Variants in AKR1C8 observed in about 807,000 individuals in gnomAD.
AKR1C8 encodes aldo-keto reductase family 1 member C8.
the AKR1C8 span, among the ~76,000 whole-genome samples, chr10:5,178,095 C>T: frequency 2.0e-5 from 3 of 152,000 alleles, no homozygotes; most frequent in Admixed American, 6.6e-5. Context: ...TAGATCTTTC[C>T]TTCTTTTTCT....
chr10:5,123,609 AC>A, the AKR1C8 span: 2 of 1,107,632 alleles, frequency 1.8e-6, no homozygotes, highest in African/African-American at 3.1e-5. Context: ...TTCTCACCTT[AC>A]CCTAACTCAC....
the AKR1C8 span, among the ~76,000 whole-genome samples, chr10:5,144,888 C>T: frequency 6.6e-6 from 1 of 152,032 alleles, no homozygotes; most frequent in South Asian, 2.1e-4. Flanking sequence ...ATTGCCCTGG[C>T]CAGAACTTCC....
At chr10:5,183,504 C>T in the AKR1C8 span, among the ~76,000 whole-genome samples, 1 of 152,148 alleles carries the variant, frequency 6.6e-6, no homozygotes, top group African/African-American at 2.4e-5. Context: ...AACTATCAAA[C>T]TCTAAATGGT....
At chr10:5,163,034 G>A in the AKR1C8 span, 1 of 524,900 alleles carries the variant, frequency 1.9e-6, no homozygotes. Context: ...TAAGACAGGA[G>A]TAAAGAGTTG....
chr10:5,141,831 T>A, the AKR1C8 span, among the ~76,000 whole-genome samples: 2 of 152,158 alleles, frequency 1.3e-5, no homozygotes, highest in Non-Finnish European at 2.9e-5. Context: ...CTTTTTCTAT[T>A]TATAGAGCAT....
the AKR1C8 span, among the ~76,000 whole-genome samples, chr10:5,148,103 T>C: frequency 6.6e-6 from 1 of 152,076 alleles, no homozygotes; most frequent in Non-Finnish European, 1.5e-5. Context: ...TTCACAAGAC[T>C]CAAGGGACTA....
At chr10:5,145,135 G>A in the AKR1C8 span, among the ~76,000 whole-genome samples, 1 of 151,926 alleles carries the variant, frequency 6.6e-6, no homozygotes, top group Non-Finnish European at 1.5e-5. Flanking sequence ...TAATCATGTG[G>A]TTTTTGTCTT....
the AKR1C8 span, among the ~76,000 whole-genome samples, chr10:5,119,439 C>A: frequency 3.3e-5 from 5 of 152,180 alleles, no homozygotes; most frequent in East Asian, 9.6e-4. Flanking sequence ...ATGCACAAAA[C>A]AAGCATAAAT....
chr10:5,178,603 G>T, the AKR1C8 span, among the ~76,000 whole-genome samples: 183 of 152,252 alleles, frequency 1.2e-3, 1 homozygote, highest in African/African-American at 4.3e-3. Context: ...CGTTATTATT[G>T]TGTGGGAATC....
chr10:5,132,821 G>T, the AKR1C8 span: 1 of 776,778 alleles, frequency 1.3e-6, no homozygotes, highest in Non-Finnish European at 2.0e-6. Flanking sequence ...TCAACAGGTA[G>T]TTCAGGCACA....
the AKR1C8 span, among the ~76,000 whole-genome samples, chr10:5,180,029 G>A: frequency 6.4e-4 from 98 of 152,166 alleles, no homozygotes; most frequent in Non-Finnish European, 1.2e-3. Context: ...AACTGCGTTC[G>A]TTTGGAGGAG....
At chr10:5,175,893 G>A in the AKR1C8 span, among the ~76,000 whole-genome samples, 3 of 152,254 alleles carry the variant, frequency 2.0e-5, no homozygotes, top group East Asian at 1.9e-4. Flanking sequence ...TGTCAGATGA[G>A]TAGGTTGCGA....
the AKR1C8 span, among the ~76,000 whole-genome samples, chr10:5,172,549 A>G: frequency 6.6e-6 from 1 of 152,078 alleles, no homozygotes; most frequent in African/African-American, 2.4e-5. Flanking sequence ...AAAATTACAC[A>G]AGCAAAGATT....
the AKR1C8 span, chr10:5,157,790 C>T: frequency 4.3e-6 from 2 of 470,558 alleles, no homozygotes; most frequent in African/African-American, 2.0e-5. Context: ...TGTGGGCAGT[C>T]GGGATCCACC....
the AKR1C8 span, among the ~76,000 whole-genome samples, chr10:5,134,911 A>T: frequency 6.6e-6 from 1 of 152,326 alleles, no homozygotes; most frequent in Non-Finnish European, 1.5e-5. Context: ...AACAGAAGAA[A>T]AAAACAGTGC....
At chr10:5,119,701 G>A in the AKR1C8 span, among the ~76,000 whole-genome samples, 1 of 152,098 alleles carries the variant, frequency 6.6e-6, no homozygotes, top group Admixed American at 6.6e-5. Flanking sequence ...CAAATACAGA[G>A]ATCCTCTCCA....
the AKR1C8 span, chr10:5,161,963 T>C: frequency 1.9e-6 from 1 of 531,908 alleles, no homozygotes; most frequent in South Asian, 1.4e-5. Context: ...CGAAAGAAAG[T>C]AGCCCAAAGC....
At chr10:5,179,520 T>G in the AKR1C8 span, among the ~76,000 whole-genome samples, 3 of 152,104 alleles carry the variant, frequency 2.0e-5, no homozygotes, top group East Asian at 1.9e-4. Context: ...ATCTGAATGT[T>G]GGCCTGCCTT....
At chr10:5,168,884 C>T in the AKR1C8 span, among the ~76,000 whole-genome samples, 1 of 152,010 alleles carries the variant, frequency 6.6e-6, no homozygotes, top group Admixed American at 6.6e-5. Context: ...GACAAAAAAT[C>T]AGAACCAAGT....
Sources: gnomAD v4.1 joint callset for allele counts (sites outside exome capture counted in the v4.1 genomes callset) on GRCh38, gnomAD v4.1.1 for gene constraint, MANE v1.5 for transcripts, NCBI Gene and HGNC (gene_info 2026-07-23, HGNC 2026-07-21) for gene names.